The following IL1RAPL1 variants were observed in gnomAD, a reference collection of about 807,000 sequenced individuals.
The protein encoded by IL1RAPL1 is interleukin 1 receptor accessory protein like 1.
A neutral mutation model predicts 48.4 loss-of-function variants in IL1RAPL1; 3 were observed. That is an observed-to-expected ratio of 0.06 (90% CI 0.03 to 0.16). IL1RAPL1 has a LOEUF of 0.16. IL1RAPL1 is among the 10% of genes least tolerant of loss of function. The pLI is 1.00. For synonymous variants in IL1RAPL1, 185 were observed against 187.7 expected (o/e 0.99, Z 0.12); for missense variants, 349 against 530.6 (o/e 0.66, Z 3.36).
Position 28,967,099 on chromosome X carries a change from G to A in IL1RAPL1, c.82+177674G>A, listed in dbSNP as rs143212364. On this transcript the variant is annotated intron_variant, in intron 2 of 10. Transcript: ENST00000378993. ...CAGTGACCAAACAGTTGAGCTTGTG[G>A]AACTGGTCTCCTTTGCCCAGTTACA... Among the ~76,000 whole-genome samples the A allele has an allele frequency of 7.1e-3, 800 of 111,985 alleles. 3 individuals carry two copies. Among genetic ancestry groups the A allele is most frequent in the Non-Finnish European group, 0.012 (620 of 53,163 alleles).
chrX:29,467,287 C>T (rs769640943), intron 5 of IL1RAPL1, among the ~76,000 whole-genome samples: 1 of 112,448 alleles, frequency 8.9e-6, no homozygotes, highest in African/African-American at 3.2e-5. Context: ...ATGGGGGCTT[C>T]CATTGCCATG....
At chrX:29,315,458 G>A (rs943171914) in intron 3 of IL1RAPL1, among the ~76,000 whole-genome samples, 5 of 111,229 alleles carry the variant, frequency 4.5e-5, no homozygotes, top group South Asian at 3.8e-4. Context: ...CAAACCTTCC[G>A]AAGATTCCAA....
Position 29,085,822 on chromosome X carries a change from C to T in IL1RAPL1, c.83-197116C>T, listed in dbSNP as rs757430314. Among the ~76,000 whole-genome samples the T allele has an allele frequency of 2.4e-4, 27 of 111,744 alleles. No homozygotes were observed. The South Asian group carries it at 8.7e-3, about 36-fold the overall frequency. ...TGTGGCCCGCTAGAAATGCTGTCTC[C>T]GTGTTATCAGATCATCCAAGTTTGG... On this transcript the variant is annotated intron_variant, in intron 2 of 10. Coordinates refer to ENST00000378993, the MANE Select transcript of IL1RAPL1 (RefSeq NM_014271.4).
At chrX:29,146,270 C>CT (rs1348062830) in intron 2 of IL1RAPL1, among the ~76,000 whole-genome samples, 1 of 111,376 alleles carries the variant, frequency 9.0e-6, no homozygotes, top group Non-Finnish European at 1.9e-5. Context: ...AGACCTTGCT[C>CT]TTTCCTCTAG....
intron 3 of IL1RAPL1, among the ~76,000 whole-genome samples, chrX:29,364,922 T>A (rs1423451569): frequency 2.7e-5 from 3 of 111,809 alleles, no homozygotes; most frequent in African/African-American, 9.8e-5. Context: ...AAATTCTATG[T>A]AAACTGTAGA....
intron 2 of IL1RAPL1, among the ~76,000 whole-genome samples, chrX:28,956,645 GC>G (rs1444030593): frequency 9.7e-6 from 1 of 103,174 alleles, no homozygotes; most frequent in Non-Finnish European, 2.0e-5. Context: ...TTTTTGATGT[GC>G]TGCTGGATTC....
intron 2 of IL1RAPL1, among the ~76,000 whole-genome samples, chrX:28,798,943 C>T (rs1254604547): frequency 3.6e-5 from 4 of 111,961 alleles, no homozygotes. Context: ...CTGCACTCCA[C>T]ACATATACTT....
intron 2 of IL1RAPL1, among the ~76,000 whole-genome samples, chrX:29,257,018 C>G (rs1026651798): frequency 9.0e-6 from 1 of 111,434 alleles, no homozygotes; most frequent in African/African-American, 3.3e-5. Context: ...CCTCCTCTCA[C>G]TACTGCAACT....
chrX:28,840,652 TAATA>T (rs979470690), intron 2 of IL1RAPL1, among the ~76,000 whole-genome samples: 4 of 111,397 alleles, frequency 3.6e-5, no homozygotes, highest in African/African-American at 9.7e-5. Flanking sequence ...TTTAACTTAA[TAATA>T]AGTATATATT....
chrX:29,148,067 T>C (rs1454259857), intron 2 of IL1RAPL1, among the ~76,000 whole-genome samples: 1 of 112,195 alleles, frequency 8.9e-6, no homozygotes, highest in East Asian at 2.8e-4. Context: ...CACAAACATA[T>C]ATAAATGTAC....
In IL1RAPL1 at chrX:29,537,180, T is replaced by C. The variant is rs778744669; in HGVS notation, c.704-131250T>C. Among the ~76,000 whole-genome samples, 10 of 111,298 alleles carry C rather than the reference T, an allele frequency of 9.0e-5. No individual in the cohort carries two copies. In the East Asian group the frequency reaches 2.8e-3, roughly 31 times the overall value. On this transcript the variant is annotated intron_variant, in intron 5 of 10. Coordinates refer to ENST00000378993, the MANE Select transcript of IL1RAPL1 (RefSeq NM_014271.4). ...ATATATTGTTTTCAAACTTTACCTGTGCGAGTACAGAATAAAGACATATTT... is the reference window on the plus strand; with the variant it reads ...ATATATTGTTTTCAAACTTTACCTGCGCGAGTACAGAATAAAGACATATTT...
At chrX:28,720,699 C>T (rs145797901) in intron 1 of IL1RAPL1, among the ~76,000 whole-genome samples, 1 of 111,487 alleles carries the variant, frequency 9.0e-6, no homozygotes, top group Non-Finnish European at 1.9e-5. Context: ...ATGCTGCACC[C>T]ATTAACTTGT....
chrX:29,193,570 T>C (rs1930390033), intron 2 of IL1RAPL1, among the ~76,000 whole-genome samples: 2 of 110,698 alleles, frequency 1.8e-5, no homozygotes, highest in African/African-American at 3.3e-5. Context: ...GGCAAATCAA[T>C]TGAAATATAG....
chrX:28,644,999 T>C (rs927641881), intron 1 of IL1RAPL1, among the ~76,000 whole-genome samples: 7 of 110,664 alleles, frequency 6.3e-5, no homozygotes, highest in African/African-American at 2.3e-4. Context: ...AGAAGAACGG[T>C]AAGACATTTA....
chrX:28,880,803 A>G (rs977437408), intron 2 of IL1RAPL1, among the ~76,000 whole-genome samples: 1 of 111,381 alleles, frequency 9.0e-6, no homozygotes, highest in East Asian at 2.8e-4. Flanking sequence ...GTCTTATTTC[A>G]CAAAATTTCC....
intron 2 of IL1RAPL1, among the ~76,000 whole-genome samples, chrX:29,149,240 A>G (rs1231716511): frequency 9.0e-6 from 1 of 110,690 alleles, no homozygotes; most frequent in Non-Finnish European, 1.9e-5. Context: ...AAATACTAAT[A>G]TATATTATTT....
intron 6 of IL1RAPL1, among the ~76,000 whole-genome samples, chrX:29,721,170 C>T (rs763271253): frequency 2.7e-5 from 3 of 112,145 alleles, no homozygotes; most frequent in African/African-American, 9.7e-5. Context: ...ACCGGGGCAG[C>T]TCCAGGCTCA....
At chrX:29,310,225 TC>T (rs768997068) in intron 3 of IL1RAPL1, among the ~76,000 whole-genome samples, 7 of 103,662 alleles carry the variant, frequency 6.8e-5, no homozygotes, top group Admixed American at 3.1e-4. Context: ...AACTTTGTCA[TC>T]CTTGTAATTC....
At chrX:28,617,470 G>A (rs1934234277) in intron 1 of IL1RAPL1, among the ~76,000 whole-genome samples, 1 of 111,947 alleles carries the variant, frequency 8.9e-6, no homozygotes. Context: ...AAATGAGGAT[G>A]ATAATAATAC....
Sources: gnomAD v4.1 joint callset for allele counts (sites outside exome capture counted in the v4.1 genomes callset) on GRCh38, gnomAD v4.1.1 for gene constraint, MANE v1.5 for transcripts, NCBI Gene and HGNC (gene_info 2026-07-23, HGNC 2026-07-21) for gene names.